ARHGEF33: variants seen among roughly 807,000 people sequenced by gnomAD.
ARHGEF33 encodes DH and coiled-coil domain-containing protein ENSP00000381780.
In ARHGEF33, 72 loss-of-function variants were observed where a neutral mutation model predicts 101.9. That is an observed-to-expected ratio of 0.71 (90% CI 0.58 to 0.86). The LOEUF (loss-of-function observed/expected upper bound fraction) is 0.86, where lower values mean the gene tolerates loss of function less well. Ranked by LOEUF, ARHGEF33 falls within the 40% of genes least tolerant of loss-of-function variation. The pLI is 0.00. For synonymous variants in ARHGEF33, 499 were observed against 442.5 expected (o/e 1.13, Z -1.60); for missense variants, 1,169 against 1,111.3 (o/e 1.05, Z -0.74).
At position 38,943,998 on chromosome 2, in the gene ARHGEF33, G is replaced by A; in HGVS notation, c.888G>A (p.Gly296=). Residue 296 remains glycine, a synonymous_variant, in exon 10 of 18, where the codon GGG becomes GGA. Coordinates refer to ENST00000409978, the MANE Select transcript of ARHGEF33 (RefSeq NM_001145451.5). ...LILKIKATFQ[G]SDGKRNSKER... ...TGAAGATAAAAGCCACATTCCAGGG[G>A]TCAGATGGAAAGAGGAATTCCAAAG... 1 of 1,550,882 alleles carries A rather than the reference G, an allele frequency of 6.4e-7. No homozygotes were observed. Among genetic ancestry groups the A allele is most frequent in the Non-Finnish European group, 8.7e-7 (1 of 1,146,750 alleles).
intron 7 of ARHGEF33, among the ~76,000 whole-genome samples, chr2:38,932,256 G>A (rs1394531872): frequency 6.6e-6 from 1 of 152,008 alleles, no homozygotes; most frequent in Non-Finnish European, 1.5e-5. Context: ...TGCCTCCCAA[G>A]CAGCTGGGTC....
At chr2:38,929,568 G>T (rs1024233885) in intron 5 of ARHGEF33, 141 bp from the exon 6 acceptor site, 2 of 609,208 alleles carry the variant, frequency 3.3e-6, no homozygotes, top group East Asian at 3.4e-5. Flanking sequence ...TTGAGGCCAC[G>T]ATGGAAGTAA....
At chr2:38,920,042 C>T (rs1392586715) in intron 3 of ARHGEF33, among the ~76,000 whole-genome samples, 1 of 152,158 alleles carries the variant, frequency 6.6e-6, no homozygotes, top group Non-Finnish European at 1.5e-5. Flanking sequence ...AACCTCACAT[C>T]ATATGGATTT....
chr2:38,956,782 A>G, intron 13 of ARHGEF33, 117 bp from the exon 14 acceptor site: 1 of 1,270,376 alleles, frequency 7.9e-7, no homozygotes, highest in Non-Finnish European at 1.1e-6. Flanking sequence ...TGTATTGTTC[A>G]TTGTTTTGAT....
At chr2:38,938,598 A>G (rs1213857932) in intron 9 of ARHGEF33, among the ~76,000 whole-genome samples, 3 of 152,352 alleles carry the variant, frequency 2.0e-5, no homozygotes, top group South Asian at 2.1e-4. Flanking sequence ...GTGAATTTAC[A>G]TAGAGTAAAA....
At chr2:38,972,952 C>T (rs781464654) in intron 17 of ARHGEF33, 1 of 152,198 alleles carries the variant, frequency 6.6e-6, no homozygotes, top group Admixed American at 6.5e-5. Flanking sequence ...TTTAAGCTAG[C>T]CAAAGGGCCC....
At position 38,960,557 on chromosome 2, in the gene ARHGEF33, C is replaced by A; in HGVS notation, c.2252C>A (p.Ala751Asp). 7.8e-7 allele frequency: 1 copy of A among 1,274,734 alleles called. No individual in the cohort carries two copies. The highest frequency in any genetic ancestry group is 1.0e-6 in the Non-Finnish European group (1 of 995,032). 79.0% of individuals were successfully genotyped at this position (1,274,734 alleles called of 1,614,324 possible). The change falls in exon 16 of 18, where the codon GCC (alanine) becomes GAC (aspartate). Residue 751 changes from alanine to aspartate, a missense_variant. Ala to Asp is a moderately radical substitution (Grantham distance 126). Coordinates refer to ENST00000409978, the MANE Select transcript of ARHGEF33 (RefSeq NM_001145451.5). ...GCCGCGCAGGCGCACGGCCCGGCCGCCGCCGCCGTCGCCGCCCGCGGCGCA... is the reference window on the plus strand; with the variant it reads ...GCCGCGCAGGCGCACGGCCCGGCCGACGCCGCCGTCGCCGCCCGCGGCGCA... ...ERAAQAHGPA[A>D]AAVAARGASR...
At position 38,960,170 on chromosome 2, in the gene ARHGEF33, T is replaced by C; in HGVS notation, c.1865T>C (p.Ile622Thr). The C allele has an allele frequency of 6.5e-7, 1 of 1,542,716 alleles. No homozygotes were observed. The highest frequency in any genetic ancestry group is 8.7e-7 in the Non-Finnish European group (1 of 1,144,646). The change falls in exon 16 of 18, where the codon ATC (isoleucine) becomes ACC (threonine). Residue 622 changes from isoleucine (I) to threonine (T), a missense_variant. Physicochemically the swap from Ile to Thr is moderately conservative, Grantham distance 89 (BLOSUM62 -1). Coordinates refer to ENST00000409978, the MANE Select transcript of ARHGEF33 (RefSeq NM_001145451.5). ...GAAGAGTTCGAGTACGGCGGCGAGA[T>C]CTTCGCGCTGCCCGCGCCCTACGAC... ...AYEEFEYGGE[I>T]FALPAPYDEE...
chr2:38,906,749 G>A (rs1280786005), intron 2 of ARHGEF33, among the ~76,000 whole-genome samples: 14 of 148,164 alleles, frequency 9.4e-5, no homozygotes, highest in East Asian at 7.9e-4. Context: ...CAGGAGGATC[G>A]CTCGAGCACA....
At chr2:38,914,447 C>A (rs1175384766) in intron 2 of ARHGEF33, among the ~76,000 whole-genome samples, 1 of 152,172 alleles carries the variant, frequency 6.6e-6, no homozygotes, top group African/African-American at 2.4e-5. Context: ...CCAAGCGGAT[C>A]ACCTGAAGTC....
At chr2:38,938,948 C>G (rs191516880) in intron 9 of ARHGEF33, among the ~76,000 whole-genome samples, 1 of 152,312 alleles carries the variant, frequency 6.6e-6, no homozygotes, top group East Asian at 1.9e-4. Context: ...GAATTTATCA[C>G]ATTTTTAAAA....
intron 10 of ARHGEF33, among the ~76,000 whole-genome samples, chr2:38,944,651 A>G (rs1179185589): frequency 6.6e-6 from 1 of 152,140 alleles, no homozygotes; most frequent in Non-Finnish European, 1.5e-5. Flanking sequence ...ATGTCTTTTA[A>G]AAACTTAAAG....
chr2:38,921,216 C>T (rs1370425500), intron 3 of ARHGEF33, among the ~76,000 whole-genome samples, 158 bp from the exon 4 acceptor site: 1 of 152,202 alleles, frequency 6.6e-6, no homozygotes, highest in Non-Finnish European at 1.5e-5. Flanking sequence ...TGGACACCAC[C>T]TACTTCAGCT....
intron 2 of ARHGEF33, among the ~76,000 whole-genome samples, chr2:38,901,906 G>C (rs1310667328): frequency 2.0e-5 from 3 of 152,092 alleles, no homozygotes; most frequent in Non-Finnish European, 4.4e-5. Flanking sequence ...ACAAGGTCAG[G>C]AGATCGAGAC....
At chr2:38,951,502 C>T (rs2124413158) in intron 11 of ARHGEF33, among the ~76,000 whole-genome samples, 1 of 151,988 alleles carries the variant, frequency 6.6e-6, no homozygotes, top group South Asian at 2.1e-4. Flanking sequence ...TGTGGTGGCT[C>T]GTGCCTGTAA....
intron 10 of ARHGEF33, among the ~76,000 whole-genome samples, chr2:38,946,399 G>A (rs932110662): frequency 1.3e-5 from 2 of 151,828 alleles, no homozygotes; most frequent in Non-Finnish European, 2.9e-5. Flanking sequence ...CTGCGATAAT[G>A]CTATTCATGT....
intron 10 of ARHGEF33, among the ~76,000 whole-genome samples, chr2:38,946,032 G>A (rs1290152033): frequency 6.6e-6 from 1 of 152,190 alleles, no homozygotes. Flanking sequence ...AGAGCCAGAA[G>A]GATACAGTTG....
rs185292174 is a variant in ARHGEF33 at position 38,928,966 on chromosome 2, A to C, written c.135A>C (p.Ser45=). 1 of 1,551,650 alleles carries C rather than the reference A, an allele frequency of 6.4e-7. No individual in the cohort carries two copies. Among genetic ancestry groups the C allele is most frequent in the East Asian group, 2.4e-5 (1 of 40,916 alleles). ...TGFTEAMQEL[S]RIQHGEYALE... ...TCACAGAAGCAATGCAAGAACTGTCAAGAATTCAACATGGAGAATATGCTT... is the reference window on the plus strand; with the variant it reads ...TCACAGAAGCAATGCAAGAACTGTCCAGAATTCAACATGGAGAATATGCTT... Residue 45 remains serine (S), a synonymous_variant, in exon 5 of 18, where the codon TCA becomes TCC. Coordinates refer to ENST00000409978, the MANE Select transcript of ARHGEF33 (RefSeq NM_001145451.5).
chr2:38,916,863 C>T (rs1666645098), intron 2 of ARHGEF33, among the ~76,000 whole-genome samples: 1 of 151,080 alleles, frequency 6.6e-6, no homozygotes, highest in South Asian at 2.1e-4. Context: ...TACAATGGCA[C>T]GAGCTCAGCT....
Sources: gnomAD v4.1 joint callset for allele counts (sites outside exome capture counted in the v4.1 genomes callset) on GRCh38, gnomAD v4.1.1 for gene constraint, MANE v1.5 for transcripts, NCBI Gene and HGNC (gene_info 2026-07-23, HGNC 2026-07-21) for gene names.